Variants in FAM135B observed in about 807,000 individuals in gnomAD.
FAM135B encodes the protein family with sequence similarity 135 member B.
FAM135B carries 43 observed loss-of-function variants against 127.7 expected under a neutral mutation model. The ratio of observed to expected loss-of-function variants is 0.34; its 90% CI spans 0.26 to 0.43. The LOEUF (loss-of-function observed/expected upper bound fraction) is 0.43. FAM135B is among the 20% of genes least tolerant of loss of function. The pLI is 1.00. For synonymous variants in FAM135B, 670 were observed against 665.1 expected, an observed-to-expected ratio of 1.01 and a Z score of -0.11; for missense variants, 1,558 against 1,725.6, an observed-to-expected ratio of 0.90 and a Z score of 1.72.
At chr8:138,410,245 C>G (rs1833780751) in intron 1 of FAM135B, among the ~76,000 whole-genome samples, 1 of 152,166 alleles carries the variant, frequency 6.6e-6, no homozygotes, top group African/African-American at 2.4e-5. Context: ...AATGACCACA[C>G]CCCTGAGACT....
chr8:138,309,416 G>C (rs1826497336), intron 3 of FAM135B, among the ~76,000 whole-genome samples: 1 of 151,904 alleles, frequency 6.6e-6, no homozygotes, highest in South Asian at 2.1e-4. Flanking sequence ...TGGAAATACG[G>C]CAACTTGACT....
chr8:138,205,270 T>C (rs1344341344), intron 7 of FAM135B, among the ~76,000 whole-genome samples: 1 of 152,212 alleles, frequency 6.6e-6, no homozygotes, highest in Non-Finnish European at 1.5e-5. Context: ...TAAATAATGT[T>C]TGCAGGTCTC....
rs2130739351 is a variant in FAM135B at position 138,151,696 on chromosome 8, C to T, written c.2779G>A (p.Glu927Lys). The T allele has an allele frequency of 6.2e-7, 1 of 1,614,218 alleles. No individual in the cohort carries two copies. The highest frequency in any genetic ancestry group is 8.5e-7 in the Non-Finnish European group (1 of 1,180,048). The stretch of plus-strand genomic sequence containing the variant: ...GGCACCTGATGTTGAGAGAGACCCT[C>T]AACCTCTGAGATGCCACTGTTGGAA... Reference protein sequence around the residue: ...ALSNSGISEVEGLSQHQVPEL... With the variant: ...ALSNSGISEVKGLSQHQVPEL... Residue 927 changes from glutamate (E) to lysine (K), a missense_variant, in exon 13 of 20, where the codon GAG (glutamate) becomes AAG (lysine). Physicochemically the swap from Glu to Lys is moderately conservative, Grantham distance 56. Coordinates refer to ENST00000395297, the MANE Select transcript of FAM135B (RefSeq NM_015912.4).
intron 7 of FAM135B, among the ~76,000 whole-genome samples, chr8:138,206,499 C>T (rs74741252): frequency 6.1e-5 from 3 of 49,094 alleles, no homozygotes; most frequent in African/African-American, 2.0e-4. Context: ...CTATCATCCC[C>T]TCGACCTACC....
intron 2 of FAM135B, among the ~76,000 whole-genome samples, chr8:138,329,663 A>T (rs1467695746): frequency 6.6e-6 from 1 of 152,120 alleles, no homozygotes; most frequent in Non-Finnish European, 1.5e-5. Flanking sequence ...TAGAGTGAGG[A>T]TTCTGCGGTT....
intron 3 of FAM135B, among the ~76,000 whole-genome samples, chr8:138,297,895 C>G (rs17721326): frequency 6.6e-6 from 1 of 152,068 alleles, no homozygotes; most frequent in Non-Finnish European, 1.5e-5. Flanking sequence ...CATTTATCAA[C>G]AGAGCGAATT....
At chr8:138,416,201 G>A (rs1368790049) in intron 1 of FAM135B, among the ~76,000 whole-genome samples, 1 of 152,174 alleles carries the variant, frequency 6.6e-6, no homozygotes, top group Non-Finnish European at 1.5e-5. Flanking sequence ...ACAAAACTAG[G>A]AGAATAGTAA....
intron 7 of FAM135B, among the ~76,000 whole-genome samples, chr8:138,220,853 T>C (rs1323258966): frequency 2.0e-5 from 3 of 151,754 alleles, no homozygotes; most frequent in African/African-American, 7.3e-5. Context: ...AAAAGGAGAG[T>C]AAGAAGCAAG....
At chr8:138,331,866 C>T (rs1477997970) in intron 2 of FAM135B, among the ~76,000 whole-genome samples, 2 of 152,112 alleles carry the variant, frequency 1.3e-5, no homozygotes, top group African/African-American at 4.8e-5. Flanking sequence ...CTGTTGTGTC[C>T]ATGATGGGCT....
Position 138,339,098 on chromosome 8 carries a change from C to T in FAM135B, c.78-28178G>A, listed in dbSNP as rs185646336. ...ACACAGGAAAGGGAACATCACACAC[C>T]GGGGCCTGTCATGGGGTGGGGGAGG... On this transcript the variant is annotated intron_variant, in intron 2 of 19. Coordinates refer to ENST00000395297, the MANE Select transcript of FAM135B (RefSeq NM_015912.4). Among the ~76,000 whole-genome samples, 394 of 108,756 alleles carry T rather than the reference C, an allele frequency of 3.6e-3. 1 individual carries two copies. The highest frequency in any genetic ancestry group is 0.013 in the African/African-American group (360 of 27,306). 71.3% of individuals were successfully genotyped at this position (108,756 alleles called of 152,430 possible). A position where few individuals can be genotyped will look rare whatever the true frequency, so the allele number is the denominator to read the frequency against.
intron 3 of FAM135B, among the ~76,000 whole-genome samples, chr8:138,300,838 C>T (rs1173385891): frequency 6.7e-6 from 1 of 150,288 alleles, no homozygotes; most frequent in Non-Finnish European, 1.5e-5. Context: ...ATAACCTCCA[C>T]CTCCCAGGTT....
intron 7 of FAM135B, among the ~76,000 whole-genome samples, chr8:138,231,056 G>A (rs1354360375): frequency 6.6e-6 from 1 of 151,906 alleles, no homozygotes; most frequent in African/African-American, 2.4e-5. Context: ...TTGAGATGGA[G>A]TCTTGCTCTG....
At chr8:138,224,370 A>T (rs1367288578) in intron 7 of FAM135B, among the ~76,000 whole-genome samples, 1 of 152,216 alleles carries the variant, frequency 6.6e-6, no homozygotes, top group Non-Finnish European at 1.5e-5. Context: ...GAACTCATGC[A>T]TGCACACATG....
rs2130739599 is a variant in FAM135B, at chr8:138,151,702, C to T, written c.2773G>A (p.Glu925Lys). Reference protein sequence around the residue: ...QQALSNSGISEVEGLSQHQVP... With the variant: ...QQALSNSGISKVEGLSQHQVP... ...TGATGTTGAGAGAGACCCTCAACCT[C>T]TGAGATGCCACTGTTGGAAAGAGCT... Residue 925 changes from glutamate (E) to lysine (K), a missense_variant, in exon 13 of 20, where the codon GAG (glutamate) becomes AAG (lysine). Physicochemically the swap from Glu to Lys is moderately conservative, Grantham distance 56. Around this residue, in one of 5 missense-constraint regions of FAM135B, gnomAD observed 923 missense variants for 865.3 expected, o/e 1.07. Transcript: ENST00000395297. The T allele has an allele frequency of 6.2e-7, 1 of 1,614,192 alleles. No homozygotes were observed. Among genetic ancestry groups the T allele is most frequent in the Middle Eastern group, 1.6e-4 (1 of 6,062 alleles).
At chr8:138,476,452 G>C (rs1168218529) in intron 1 of FAM135B, among the ~76,000 whole-genome samples, 1 of 150,562 alleles carries the variant, frequency 6.6e-6, no homozygotes, top group Non-Finnish European at 1.5e-5. Context: ...TGCATGTATG[G>C]GGATGGGGGA....
At chr8:138,458,483 G>A (rs1414925364) in intron 1 of FAM135B, among the ~76,000 whole-genome samples, 1 of 152,222 alleles carries the variant, frequency 6.6e-6, no homozygotes, top group African/African-American at 2.4e-5. Flanking sequence ...GGAAGAAGGA[G>A]CAGAGTAGAA....
chr8:138,490,353 C>T (rs776623475), intron 1 of FAM135B, among the ~76,000 whole-genome samples: 18 of 152,112 alleles, frequency 1.2e-4, no homozygotes, highest in African/African-American at 4.1e-4. Context: ...CTACAGACTG[C>T]GAAGGTCAAG....
chr8:138,495,884 G>C (rs376166422), intron 1 of FAM135B, among the ~76,000 whole-genome samples: 2 of 152,276 alleles, frequency 1.3e-5, no homozygotes, highest in South Asian at 2.1e-4. Flanking sequence ...GTCTCCAGCT[G>C]TCTGAAAGCG....
At chr8:138,418,899 A>T (rs1226989414) in intron 1 of FAM135B, among the ~76,000 whole-genome samples, 2 of 151,914 alleles carry the variant, frequency 1.3e-5, no homozygotes, top group Non-Finnish European at 2.9e-5. Flanking sequence ...AAAAAAAAAA[A>T]ACATACTTAA....
Sources: gnomAD v4.1 joint callset for allele counts (sites outside exome capture counted in the v4.1 genomes callset) on GRCh38, gnomAD v4.1.1 for gene constraint, gnomAD v4.1.1 regional missense constraint, MANE v1.5 for transcripts, NCBI Gene and HGNC (gene_info 2026-07-23, HGNC 2026-07-21) for gene names.